VPS37B: variants seen among roughly 807,000 people sequenced by gnomAD.
VPS37B encodes the protein VPS37B subunit of ESCRT-I, also known as vacuolar protein sorting-associated protein 37B.
VPS37B carries 11 observed loss-of-function variants against 21.2 expected under a neutral mutation model. The observed-to-expected ratio is 0.52, with a 90% CI of 0.33 to 0.86. The LOEUF is 0.86. Ranked by LOEUF, VPS37B falls within the 40% of genes least tolerant of loss-of-function variation. The probability of loss-of-function intolerance (pLI) is 0.03; values close to 1 mark genes in which losing one functional copy is unlikely to be tolerated. For missense variants in VPS37B, 389 were observed against 374.8 expected (o/e 1.04, Z -0.31); for synonymous variants, 175 against 159.6 (o/e 1.10, Z -0.73).
Position 122,865,747 on chromosome 12 carries a change from TC to T in VPS37B, c.*1368del. The T allele has an allele frequency of 6.6e-6, 1 of 152,018 alleles. No individual in the cohort carries two copies. The allele number at this position is 152,018 out of a possible 1,614,324, so 9.4% of individuals were successfully genotyped here. ...TGTCACCCTGGCGGCTAGGCACAGGTCGGGGCCCTGGATGCCCGACAAGTGA... is the reference window on the plus strand; with the variant it reads ...TGTCACCCTGGCGGCTAGGCACAGGTGGGGCCCTGGATGCCCGACAAGTGA... On this transcript the variant is annotated 3_prime_UTR_variant, in exon 4 of 4. Transcript: ENST00000267202.
At chr12:122,879,325 T>A (rs2034209852) in intron 1 of VPS37B, 1 of 152,354 alleles carries the variant, frequency 6.6e-6, no homozygotes, top group Admixed American at 6.5e-5. Flanking sequence ...ACCCGGACAC[T>A]CACCCTCAGG....
chr12:122,885,118 G>T (rs941252560), intron 1 of VPS37B: 1 of 151,392 alleles, frequency 6.6e-6, no homozygotes, highest in Admixed American at 6.6e-5. Context: ...TCTGTGGTTA[G>T]GGAAAAAAGG....
At chr12:122,869,158 G>A (rs942467390) in intron 2 of VPS37B, among the ~76,000 whole-genome samples, 10 of 152,322 alleles carry the variant, frequency 6.6e-5, no homozygotes, top group Admixed American at 2.6e-4. Context: ...GTTCCATTGT[G>A]TAAACAGACT....
intron 1 of VPS37B, chr12:122,887,833 T>C (rs2034351108): frequency 6.6e-6 from 1 of 152,298 alleles, no homozygotes. Context: ...TTCACATTAA[T>C]GAAAACTACT....
chr12:122,896,012 C>T lies in VPS37B; in HGVS notation c.51G>A (p.Gln17=). The T allele has an allele frequency of 6.2e-7, 1 of 1,602,612 alleles. No homozygotes were observed. Among genetic ancestry groups the T allele is most frequent in the Middle Eastern group, 1.7e-4 (1 of 6,028 alleles). ...CCTCGTCCTCCAGCAGCTCGTTGAG[C>T]TGCACCAGCGACAGCCCGGCGAACC... ...EARFAGLSLV[Q]LNELLEDEGQ... is the part of the protein sequence containing the mutation. The change falls in exon 1 of 4, where the codon CAG becomes CAA. Residue 17 remains glutamine, a synonymous_variant. Transcript: ENST00000267202.
intron 1 of VPS37B, chr12:122,886,420 G>C (rs564348155): frequency 6.6e-6 from 1 of 152,260 alleles, no homozygotes; most frequent in East Asian, 1.9e-4. Context: ...AGGAGTTTGA[G>C]AACAGCCTAG....
At chr12:122,884,798 C>T (rs1334296679) in intron 1 of VPS37B, 2 of 142,152 alleles carry the variant, frequency 1.4e-5, no homozygotes, top group African/African-American at 2.7e-5. Context: ...TTTGTTTTTT[C>T]CCCCTCATCT....
At chr12:122,870,718 C>A in intron 2 of VPS37B, 172 bp downstream of exon 2, 1 of 669,528 alleles carries the variant, frequency 1.5e-6, no homozygotes, top group South Asian at 2.2e-5. Flanking sequence ...AGAGCAAGAC[C>A]CTGTCTCTAA....
At chr12:122,871,264 A>T (rs2034027918) in intron 1 of VPS37B, 10 of 1,348,660 alleles carry the variant, frequency 7.4e-6, no homozygotes, top group Admixed American at 3.4e-5. Context: ...GTCGTAAAGA[A>T]TGAGGCCGAC....
At position 122,868,350 on chromosome 12, in the gene VPS37B, T is replaced by C; in HGVS notation, c.366+130A>G. 1 of 808,676 alleles carries C rather than the reference T, an allele frequency of 1.2e-6. No individual in the cohort carries two copies. Among genetic ancestry groups the C allele is most frequent in the Non-Finnish European group, 2.0e-6 (1 of 495,898 alleles). 50.1% of individuals were successfully genotyped at this position (808,676 alleles called of 1,614,324 possible). On this transcript the variant is annotated intron_variant, in intron 3 of 3. Coordinates refer to ENST00000267202, the MANE Select transcript of VPS37B (RefSeq NM_024667.3). The surrounding 1 kb of genome is among the most constrained non-coding windows in gnomAD (Gnocchi z 5.5). ...GCACACAGGCCAGGCTGCCTGCTGG[T>C]ATACAGCCCGTACACCTGGGAGGCA...
chr12:122,872,000 T>C (rs1429882409), intron 1 of VPS37B: 9 of 985,446 alleles, frequency 9.1e-6, no homozygotes, highest in Non-Finnish European at 1.1e-5. Context: ...CGTGTGTCCC[T>C]GTTTCTCTTT....
chr12:122,876,090 G>A (rs1182935772), intron 1 of VPS37B: 2 of 152,190 alleles, frequency 1.3e-5, no homozygotes, highest in Non-Finnish European at 2.9e-5. Flanking sequence ...TGAGATGCCT[G>A]ATTACAGCAT....
intron 1 of VPS37B, chr12:122,874,102 T>C (rs577701667): frequency 1.1e-4 from 16 of 152,318 alleles, no homozygotes; most frequent in Non-Finnish European, 1.9e-4. Context: ...CTTAAAGTAA[T>C]TGTCAAACAG....
At chr12:122,888,436 C>T in intron 1 of VPS37B, 1 of 404,694 alleles carries the variant, frequency 2.5e-6, no homozygotes, top group South Asian at 1.7e-5. Flanking sequence ...CCAACGAGAA[C>T]TCTTGTCTCA....
chr12:122,891,226 C>T (rs1005706244), intron 1 of VPS37B, among the ~76,000 whole-genome samples: 2 of 152,204 alleles, frequency 1.3e-5, no homozygotes, highest in African/African-American at 2.4e-5. Context: ...TTTTAGCAAA[C>T]GCAGAAGAGC....
chr12:122,872,020 T>C (rs1170755886), intron 1 of VPS37B: 1 of 985,322 alleles, frequency 1.0e-6, no homozygotes, highest in Non-Finnish European at 1.2e-6. Context: ...TAAGCAGCTC[T>C]TCTTCAACGC....
rs558173819 is a variant in VPS37B, at chr12:122,871,684, G to C, written c.112-623C>G. The C allele has an allele frequency of 8.9e-5, 88 of 985,614 alleles. No homozygotes were observed. The South Asian group carries it at 3.8e-3, about 42-fold the overall frequency. 61.1% of individuals were successfully genotyped at this position (985,614 alleles called of 1,614,324 possible). A position where few individuals can be genotyped will look rare whatever the true frequency, so the allele number is the denominator to read the frequency against. On this transcript the variant is annotated intron_variant, in intron 1 of 3. Transcript: ENST00000267202. ...GACCAAAAGCTGGGGGAAGAGGGGG[G>C]ACATATTTTGCCCATCAGGGATTTC...
intron 1 of VPS37B, among the ~76,000 whole-genome samples, chr12:122,891,141 T>G (rs182059120): frequency 6.6e-6 from 1 of 152,368 alleles, no homozygotes; most frequent in Non-Finnish European, 1.5e-5. Context: ...GACTAAATAC[T>G]TGTCAAAGGT....
intron 1 of VPS37B, chr12:122,887,555 C>T (rs1443407861): frequency 6.6e-6 from 1 of 152,268 alleles, no homozygotes; most frequent in Non-Finnish European, 1.5e-5. Flanking sequence ...ACCTGGCTAA[C>T]TCTTAACTCA....
Sources: allele counts gnomAD v4.1 joint callset (sites outside exome capture counted in the v4.1 genomes callset), GRCh38; gene constraint gnomAD v4.1.1; non-coding constraint Gnocchi (gnomAD v3.1); transcripts MANE v1.5; gene names NCBI Gene and HGNC (gene_info 2026-07-23, HGNC 2026-07-21).